Variants in GAK observed in about 807,000 individuals in gnomAD.
The protein encoded by GAK is cyclin-G-associated kinase.
Under a neutral mutation model 143.9 loss-of-function variants are expected in GAK, and 79 were observed. That is an observed-to-expected ratio of 0.55 (90% CI 0.46 to 0.66). The LOEUF (loss-of-function observed/expected upper bound fraction) is 0.66. Among genes scored for constraint, GAK ranks in the 30% least tolerant of loss-of-function variants. GAK has a pLI of 0.00. For missense variants in GAK, 1,693 were observed against 1,779.7 expected, an observed-to-expected ratio of 0.95 and a Z score of 0.88; for synonymous variants, 881 against 765.5, an observed-to-expected ratio of 1.15 and a Z score of -2.49.
At chr4:931,888 G>C (rs28499136) in intron 1 of GAK, among the ~76,000 whole-genome samples, 155 bp downstream of exon 1, 1,626 of 151,928 alleles carry the variant, frequency 0.011, 25 homozygotes, top group African/African-American at 0.037. Context: ...CCACGCCCTC[G>C]GCAGAGACCC....
At chr4:892,369 C>G (rs1354095520) in intron 9 of GAK, among the ~76,000 whole-genome samples, 1 of 152,182 alleles carries the variant, frequency 6.6e-6, no homozygotes, top group African/African-American at 2.4e-5. Context: ...GGGCCCTGAG[C>G]TGGGATGCCC....
intron 15 of GAK, among the ~76,000 whole-genome samples, chr4:880,035 G>A (rs1478609410): frequency 1.3e-5 from 2 of 151,764 alleles, no homozygotes; most frequent in African/African-American, 4.8e-5. Flanking sequence ...CCACAGCTCT[G>A]ACGAATGCCC....
intron 11 of GAK, chr4:885,877 C>T (rs1408282101): frequency 6.6e-6 from 1 of 152,376 alleles, no homozygotes; most frequent in African/African-American, 2.4e-5. Context: ...AGCGATCCTC[C>T]CACCTCAGGC....
intron 5 of GAK, among the ~76,000 whole-genome samples, chr4:903,716 CG>C: frequency 1.4e-5 from 1 of 71,300 alleles, no homozygotes; most frequent in South Asian, 3.3e-4. Flanking sequence ...GGTGGGGGGG[CG>C]GCCGAGGAAG....
chr4:923,153 C>G (rs1028967956), intron 1 of GAK, among the ~76,000 whole-genome samples: 1 of 152,168 alleles, frequency 6.6e-6, no homozygotes, highest in Non-Finnish European at 1.5e-5. Context: ...TCACCTGCAC[C>G]AGGGTTAGCA....
chr4:882,669 G>T, intron 14 of GAK, 28 bp downstream of exon 14: 3 of 1,606,206 alleles, frequency 1.9e-6, no homozygotes, highest in South Asian at 1.1e-5. Flanking sequence ...GACAGAAGAC[G>T]GCGCCAGCCC....
chr4:911,747 G>A lies in GAK; in HGVS notation c.308C>T (p.Ser103Phe), dbSNP rs200829743. The A allele has an allele frequency of 1.5e-5, 24 of 1,614,020 alleles. No individual in the cohort carries two copies. The East Asian group carries it at 5.1e-4, about 34-fold the overall frequency. Residue 103 changes from serine to phenylalanine, a missense_variant, in exon 4 of 28, where the codon TCT becomes TTT. Ser to Phe is a radical substitution (Grantham distance 155). This residue lies in a region of GAK where 871 missense variants were observed against 991.0 expected (regional missense o/e 0.88). Transcript: ENST00000314167. ...CTCCTCTTTTCCTATAGACGCTGCA[G>A]AACAAAACTGGACAATGTTCGGGTG... ...SGHPNIVQFCSAASIGKEESD... is the reference protein window; with the variant it reads ...SGHPNIVQFCFAASIGKEESD...
rs1314235124 is a variant in GAK, at chr4:904,266, G to A, written c.525+371C>T. Among the ~76,000 whole-genome samples the A allele has an allele frequency of 1.5e-4, 19 of 130,546 alleles. 1 individual carries two copies. Among genetic ancestry groups the A allele is most frequent in the African/African-American group, 2.5e-4 (8 of 32,646 alleles). 85.6% of individuals were successfully genotyped at this position (130,546 alleles called of 152,430 possible). A position where few individuals can be genotyped will look rare whatever the true frequency, so the allele number is the denominator to read the frequency against. On this transcript the variant is annotated intron_variant, in intron 5 of 27. Transcript: ENST00000314167. ...GGCGGCTCCTAACCGAGCGGGACCCGCACACAGAGGCCTTGGCAGCCGCGT... is the reference window on the plus strand; with the variant it reads ...GGCGGCTCCTAACCGAGCGGGACCCACACACAGAGGCCTTGGCAGCCGCGT...
intron 19 of GAK, 56 bp from the exon 20 acceptor site, chr4:868,741 C>T: frequency 6.6e-7 from 1 of 1,517,772 alleles, no homozygotes; most frequent in Non-Finnish European, 8.8e-7. Flanking sequence ...CTCGGGGCAA[C>T]ACTGACCCCA....
rs201196228 is a variant in GAK at position 866,369 on chromosome 4, T to C, written c.3038A>G (p.His1013Arg). The change falls in exon 22 of 28, where the codon CAC becomes CGC. Residue 1013 changes from histidine to arginine, a missense_variant. By Grantham distance (29) the His-to-Arg change is conservative. Around this residue, in one of 2 missense-constraint regions of GAK, gnomAD observed 822 missense variants for 788.7 expected, o/e 1.04. Transcript: ENST00000314167. Reference protein sequence around the residue: ...PPPSCSADFLHLGDLPGEPSK... With the variant: ...PPPSCSADFLRLGDLPGEPSK... ...GCCAGGCGAGAGGCACTTACCCAGG[T>C]GCAGGAAGTCGGCGCTGCAGGATGG... 1.2e-6 allele frequency: 2 copies of C among 1,613,844 alleles called. No homozygotes were observed. Among genetic ancestry groups the C allele is most frequent in the African/African-American group, 2.7e-5 (2 of 75,034 alleles).
chr4:865,374 C>G, intron 22 of GAK, 130 bp from the exon 23 acceptor site: 1 of 1,109,106 alleles, frequency 9.0e-7, no homozygotes, highest in Non-Finnish European at 1.3e-6. Context: ...TGAGGCTGGG[C>G]TGACGGCCTC....
At position 888,976 on chromosome 4, in the gene GAK, G is replaced by A. The variant is rs1392457820; in HGVS notation, c.1082-6C>T. 6.8e-6 allele frequency: 11 copies of A among 1,609,526 alleles called. No individual in the cohort carries two copies. The highest frequency in any genetic ancestry group is 2.2e-5 in the East Asian group (1 of 44,766). On this transcript the variant is annotated splice_polypyrimidine_tract_variant and splice_region_variant and intron_variant, in intron 10 of 27. Transcript: ENST00000314167. ...GTACTCCGCCAGCGCCAGGCCTGCA[G>A]GGAGACACAGTCTCAGCAGGCCCCA...
chr4:893,735 C>A lies in GAK; in HGVS notation c.877+139G>T, dbSNP rs866592073. On this transcript the variant is annotated intron_variant, in intron 8 of 27. Transcript: ENST00000314167. ...GGGAGCTCTCTGGAAACCCCCCCCCCAGGGATGTTGTCAAAACTATGGTGA... is the reference window on the plus strand; with the variant it reads ...GGGAGCTCTCTGGAAACCCCCCCCCAAGGGATGTTGTCAAAACTATGGTGA... 119 of 977,716 alleles carry A rather than the reference C, an allele frequency of 1.2e-4. No individual in the cohort carries two copies. In the Middle Eastern group the frequency reaches 4.2e-3, roughly 35 times the overall value. The allele number at this position is 977,716 out of a possible 1,614,324, so 60.6% of individuals were successfully genotyped here.
chr4:865,083 A>G, intron 23 of GAK, 39 bp downstream of exon 23: 1 of 1,526,544 alleles, frequency 6.6e-7, no homozygotes, highest in Non-Finnish European at 8.8e-7. Context: ...CAGCAGCTGC[A>G]CGTCTGGGAG....
At position 851,903 on chromosome 4, in the gene GAK, A is replaced by T. The variant is rs1233340361; in HGVS notation, c.3355T>A (p.Trp1119Arg). ...TGGGCTGGCGGCCGACTTGTCTGCC[A>T]GGAGCTGCTGCCTTTGGGCGTGGTG... ...TATTPKGSSSWQTSRPPAQGA... is the reference protein window; with the variant it reads ...TATTPKGSSSRQTSRPPAQGA... Residue 1119 changes from tryptophan to arginine, a missense_variant, in exon 25 of 28, where the codon TGG (tryptophan) becomes AGG (arginine). This residue lies in a region of GAK where 822 missense variants were observed against 788.7 expected (regional missense o/e 1.04). Transcript: ENST00000314167. 1.6e-5 allele frequency: 26 copies of T among 1,612,832 alleles called. No homozygotes were observed. The highest frequency in any genetic ancestry group is 2.1e-5 in the Non-Finnish European group (25 of 1,179,072).
intron 9 of GAK, among the ~76,000 whole-genome samples, chr4:891,021 G>A (rs931625767): frequency 6.6e-6 from 1 of 150,568 alleles, no homozygotes; most frequent in Admixed American, 6.6e-5. Flanking sequence ...GCTGTGGCAC[G>A]ATCTCAGCTC....
chr4:920,923 C>A (rs1490910874), intron 1 of GAK, among the ~76,000 whole-genome samples: 6 of 152,110 alleles, frequency 3.9e-5, no homozygotes, highest in Admixed American at 2.0e-4. Context: ...TATTTTTCTG[C>A]ATTTTAAAAT....
rs1242632810 is a variant in GAK, at chr4:881,934, G to A, written c.1634C>T (p.Pro545Leu). 6.3e-7 allele frequency: 1 copy of A among 1,593,178 alleles called. No individual in the cohort carries two copies. The highest frequency in any genetic ancestry group is 1.1e-5 in the South Asian group (1 of 88,064). The part of the protein sequence containing the change: ...AVYMFSMKRC[P>L]PGIWPSHKRY... The stretch of plus-strand genomic sequence containing the variant: ...TTTGTGGGATGGCCAGATGCCTGGT[G>A]GGCAGCGCTTCATGCTGAACATGTA... The change falls in exon 15 of 28, where the codon CCA becomes CTA. Residue 545 changes from proline to leucine, a missense_variant. Coordinates refer to ENST00000314167, the MANE Select transcript of GAK (RefSeq NM_005255.4).
At position 890,600 on chromosome 4, in the gene GAK, T is replaced by A. The variant is rs1717445342; in HGVS notation, c.1013A>T (p.Tyr338Phe). Residue 338 changes from tyrosine (Y) to phenylalanine (F), a missense_variant, in exon 10 of 28, where the codon TAC becomes TTC. Tyr to Phe is a conservative substitution (Grantham distance 22). Around this residue, in one of 2 missense-constraint regions of GAK, gnomAD observed 871 missense variants for 991.0 expected, o/e 0.88. Coordinates refer to ENST00000314167, the MANE Select transcript of GAK (RefSeq NM_005255.4). ...ITELLEQNGGYGSATLSRGPP... is the reference protein window; with the variant it reads ...ITELLEQNGGFGSATLSRGPP... ...CCCTCGGGACAGTGTGGCGCTCCCG[T>A]AGCCTCCATTCTGCTCCAGGAGCTG... 2 of 1,611,596 alleles carry A rather than the reference T, an allele frequency of 1.2e-6. No homozygotes were observed. Among genetic ancestry groups the A allele is most frequent in the East Asian group, 4.5e-5 (2 of 44,800 alleles).
Sources: allele counts gnomAD v4.1 joint callset (sites outside exome capture counted in the v4.1 genomes callset), GRCh38; gene constraint gnomAD v4.1.1; regional missense constraint gnomAD v4.1.1; transcripts MANE v1.5; gene names NCBI Gene and HGNC (gene_info 2026-07-23, HGNC 2026-07-21).